Variants in SLC6A12 observed in about 807,000 individuals in gnomAD.
SLC6A12 encodes the protein solute carrier family 6 member 12, also known as sodium- and chloride-dependent betaine transporter.
A neutral mutation model predicts 73.3 loss-of-function variants in SLC6A12; 50 were observed. The ratio of observed to expected loss-of-function variants is 0.68; its 90% CI spans 0.54 to 0.86. The LOEUF is 0.86. Ranked by LOEUF, SLC6A12 falls within the 40% of genes least tolerant of loss-of-function variation. The pLI is 0.00. For synonymous variants in SLC6A12, 304 were observed against 309.2 expected (o/e 0.98, Z 0.18); for missense variants, 648 against 772.8 (o/e 0.84, Z 1.92).
In SLC6A12 at chr12:208,705, G is replaced by A. The variant is rs558133154; in HGVS notation, c.214+1068C>T. Among the ~76,000 whole-genome samples the A allele has an allele frequency of 2.0e-5, 3 of 152,272 alleles. No homozygotes were observed. In the East Asian group the frequency reaches 5.8e-4, roughly 29 times the overall value. Reference sequence around the variant, plus strand: ...CCAAGGGCTGGCAGGGAGAGGGAATGAGGAGCGACTGCGAATGAATATAGG... The same window carrying A: ...CCAAGGGCTGGCAGGGAGAGGGAATAAGGAGCGACTGCGAATGAATATAGG... On this transcript the variant is annotated intron_variant, in intron 3 of 15. Coordinates refer to ENST00000684302, the MANE Select transcript of SLC6A12 (RefSeq NM_001122848.3).
chr12:195,831 A>G (rs1049220895), intron 12 of SLC6A12, among the ~76,000 whole-genome samples: 1 of 152,164 alleles, frequency 6.6e-6, no homozygotes, highest in Non-Finnish European at 1.5e-5. Flanking sequence ...TGAGAGTGCC[A>G]CAAGAGCAGC....
At chr12:189,089 G>T (rs1207185863), downstream of SLC6A12, among the ~76,000 whole-genome samples, 2 of 152,240 alleles carry the variant, frequency 1.3e-5, no homozygotes, top group Admixed American at 6.5e-5. Context: ...AGGCTTGGGA[G>T]CCCGACCCAA....
At chr12:196,975 T>C (rs1939899178) in intron 10 of SLC6A12, 93 bp from the exon 11 acceptor site, 1 of 785,912 alleles carries the variant, frequency 1.3e-6, no homozygotes, top group Non-Finnish European at 2.2e-6. Context: ...TGTGTGTACC[T>C]GTGCACACAC....
At chr12:204,492 C>T in intron 4 of SLC6A12, 72 bp downstream of exon 4, 4 of 1,428,526 alleles carry the variant, frequency 2.8e-6, no homozygotes, top group East Asian at 4.5e-5. Flanking sequence ...GATGGGTAGG[C>T]AGGGAGAGAC....
chr12:186,974 T>TC (rs1354842275), downstream of SLC6A12, among the ~76,000 whole-genome samples: 1 of 152,050 alleles, frequency 6.6e-6, no homozygotes, highest in Non-Finnish European at 1.5e-5. Flanking sequence ...GGGCTCCTGT[T>TC]CCCTCCCCTG....
At chr12:193,449 C>T in intron 13 of SLC6A12, 72 bp from the exon 14 acceptor site, 1 of 1,201,248 alleles carries the variant, frequency 8.3e-7, no homozygotes, top group Non-Finnish European at 1.2e-6. Context: ...TGGGAAAGAC[C>T]CACTTGGCTC....
intron 10 of SLC6A12, 57 bp from the exon 11 acceptor site, chr12:196,939 A>T: frequency 8.2e-7 from 1 of 1,225,944 alleles, no homozygotes. Flanking sequence ...CCCTTGGGGA[A>T]GAGGCGTCTC....
chr12:202,954 A>T (rs941583651), intron 4 of SLC6A12, 74 bp from the exon 5 acceptor site: 38 of 1,412,778 alleles, frequency 2.7e-5, no homozygotes, highest in Non-Finnish European at 3.4e-5. Context: ...AGAAGCTGCC[A>T]GTTGAGGTTA....
At chr12:204,435 C>T in intron 4 of SLC6A12, 129 bp downstream of exon 4, 1 of 937,518 alleles carries the variant, frequency 1.1e-6, no homozygotes, top group South Asian at 1.5e-5. Context: ...AAGCCTGATT[C>T]TGCACTTGGC....
chr12:203,840 A>C (rs1430160538), intron 4 of SLC6A12: 2 of 152,376 alleles, frequency 1.3e-5, no homozygotes, highest in Non-Finnish European at 2.9e-5. Flanking sequence ...CCAGTACGGC[A>C]GCTCCGGGAG....
At chr12:210,097 T>C in intron 2 of SLC6A12, 54 bp from the exon 3 acceptor site, 1 of 1,486,306 alleles carries the variant, frequency 6.7e-7, no homozygotes, top group Non-Finnish European at 9.0e-7. Context: ...CCGCCAGCCC[T>C]GCTTTCCCAT....
rs545469673 is a variant in SLC6A12 at position 190,889 on chromosome 12, G to A, written c.*179C>T. 1 of 428,344 alleles carries A rather than the reference G, an allele frequency of 2.3e-6. No homozygotes were observed. The highest frequency in any genetic ancestry group is 2.0e-5 in the African/African-American group (1 of 49,164). 26.5% of individuals were successfully genotyped at this position (428,344 alleles called of 1,614,324 possible). A position where few individuals can be genotyped will look rare whatever the true frequency, so the allele number is the denominator to read the frequency against. ...TGGTGGTGTTATCAGCAAAGGGGAA[G>A]GAGCTGCTCCAGCTAGCACAAGAGA... is the stretch of plus-strand genomic sequence containing the variant. On this transcript the variant is annotated 3_prime_UTR_variant, in exon 16 of 16. Transcript: ENST00000684302.
intron 13 of SLC6A12, among the ~76,000 whole-genome samples, chr12:193,664 CA>C (rs1939727940): frequency 6.6e-6 from 1 of 152,222 alleles, no homozygotes; most frequent in African/African-American, 2.4e-5. Context: ...GGTCTAACCA[CA>C]AAGGAGTGGT....
At chr12:187,582 A>G (rs1261421037), downstream of SLC6A12, among the ~76,000 whole-genome samples, 1 of 116,076 alleles carries the variant, frequency 8.6e-6, no homozygotes, top group Non-Finnish European at 1.7e-5. Flanking sequence ...GATTTACTGC[A>G]AAAGAGCAAA....
chr12:213,532 C>T lies in SLC6A12; in HGVS notation c.-143+390G>A, dbSNP rs1051526199. ...TCACCTGTGATCATTTATTGCAGTT[C>T]CTGGGCCCTCGGGAATGCCCCGAGG... On this transcript the variant is annotated intron_variant, in intron 1 of 15. Coordinates refer to ENST00000684302, the MANE Select transcript of SLC6A12 (RefSeq NM_001122848.3). This position sits in a 1 kb window ranked among gnomAD's most constrained non-coding sequence, Gnocchi z 5.3. 6.6e-6 allele frequency: 1 copy of T among 152,434 alleles called. No homozygotes were observed. The highest frequency in any genetic ancestry group is 1.5e-5 in the Non-Finnish European group (1 of 68,104). 9.4% of individuals were successfully genotyped at this position (152,434 alleles called of 1,614,324 possible). A position where few individuals can be genotyped will look rare whatever the true frequency, so the allele number is the denominator to read the frequency against.
chr12:185,144 AAAC>A (rs372026645), downstream of SLC6A12, among the ~76,000 whole-genome samples: 566 of 152,332 alleles, frequency 3.7e-3, 4 homozygotes, highest in African/African-American at 0.013. Context: ...ACCAAGAGGA[AAAC>A]AACAACTTTA....
At chr12:187,573 A>AT (rs1939452983), downstream of SLC6A12, among the ~76,000 whole-genome samples, 1 of 127,834 alleles carries the variant, frequency 7.8e-6, no homozygotes, top group Admixed American at 8.2e-5. Flanking sequence ...CAGCAGCAAG[A>AT]TTTACTGCAA....
At position 191,066 on chromosome 12, in the gene SLC6A12, C is replaced by T. The variant is rs1428560842; in HGVS notation, c.*2G>A. The T allele has an allele frequency of 2.3e-6, 3 of 1,316,994 alleles. No individual in the cohort carries two copies. In the Admixed American group the frequency reaches 9.0e-5, roughly 40 times the overall value. The allele number at this position is 1,316,994 out of a possible 1,614,324, so 81.6% of individuals were successfully genotyped here. On this transcript the variant is annotated 3_prime_UTR_variant, in exon 16 of 16. Transcript: ENST00000684302. ...AGGAGCCGCCTGGCCTCTGGCCACA[C>T]CCTACAAATGGGTCTCCTTCTCCCC...
At chr12:200,333 C>G (rs538346572) in intron 7 of SLC6A12, among the ~76,000 whole-genome samples, 76 of 152,036 alleles carry the variant, frequency 5.0e-4, no homozygotes, top group African/African-American at 1.7e-3. Context: ...TGGTCTCGAT[C>G]TCCTGACCTC....
Sources: allele counts gnomAD v4.1 joint callset (sites outside exome capture counted in the v4.1 genomes callset), GRCh38; gene constraint gnomAD v4.1.1; non-coding constraint Gnocchi (gnomAD v3.1); transcripts MANE v1.5; gene names NCBI Gene and HGNC (gene_info 2026-07-23, HGNC 2026-07-21).